Variants in ZBTB7C observed in about 807,000 individuals in gnomAD.
ZBTB7C encodes the protein zinc finger and BTB domain containing 7C, also known as zinc finger and BTB domain-containing protein 7C.
Under a neutral mutation model 25.7 loss-of-function variants are expected in ZBTB7C, and 8 were observed. That is an observed-to-expected ratio of 0.31 (90% CI 0.18 to 0.56). The LOEUF is 0.56. Among genes scored for constraint, ZBTB7C ranks in the 20% least tolerant of loss-of-function variants. The pLI, the probability that ZBTB7C is intolerant of heterozygous loss-of-function variation, is 0.91. For missense variants in ZBTB7C, 824 were observed against 855.2 expected (o/e 0.96, Z 0.46); for synonymous variants, 394 against 369.0 (o/e 1.07, Z -0.78).
intron 3 of ZBTB7C, among the ~76,000 whole-genome samples, chr18:48,124,107 A>G (rs1004919043): frequency 3.3e-5 from 5 of 152,134 alleles, no homozygotes; most frequent in Non-Finnish European, 7.3e-5. Context: ...TATCTCCCCA[A>G]CTCTCCAGGC....
intron 3 of ZBTB7C, among the ~76,000 whole-genome samples, chr18:48,066,050 T>C (rs2037316569): frequency 6.6e-6 from 1 of 152,238 alleles, no homozygotes; most frequent in South Asian, 2.1e-4. Flanking sequence ...CATTTGGAGG[T>C]CTTCTGTCTC....
At chr18:48,078,972 G>A (rs533832983) in intron 3 of ZBTB7C, among the ~76,000 whole-genome samples, 14 of 152,232 alleles carry the variant, frequency 9.2e-5, no homozygotes, top group South Asian at 4.2e-4. Flanking sequence ...ATAGACATTC[G>A]GTTTAGTTTT....
chr18:48,331,249 G>T (rs1357918820), intron 2 of ZBTB7C, among the ~76,000 whole-genome samples: 2 of 152,092 alleles, frequency 1.3e-5, no homozygotes, highest in African/African-American at 4.8e-5. Flanking sequence ...AATGTTTGTG[G>T]ACCAAAGTCT....
intron 3 of ZBTB7C, among the ~76,000 whole-genome samples, chr18:48,042,502 C>CATTT (rs2036292845): frequency 6.6e-6 from 1 of 152,178 alleles, no homozygotes; most frequent in African/African-American, 2.4e-5. Flanking sequence ...GATCCTTACA[C>CATTT]ATTTATCTTC....
At chr18:48,224,173 C>A (rs571897566) in intron 2 of ZBTB7C, among the ~76,000 whole-genome samples, 2 of 152,326 alleles carry the variant, frequency 1.3e-5, no homozygotes, top group South Asian at 4.1e-4. Flanking sequence ...CTGCTACTAG[C>A]AGCTGAACCC....
At chr18:48,230,810 C>G (rs908817178) in intron 2 of ZBTB7C, among the ~76,000 whole-genome samples, 4 of 152,186 alleles carry the variant, frequency 2.6e-5, no homozygotes, top group African/African-American at 9.6e-5. Flanking sequence ...ACCCAGGCAT[C>G]TCTGCACGGA....
chr18:48,346,301 T>G lies in ZBTB7C; in HGVS notation c.-303-7903A>C, dbSNP rs1330112887. Reference sequence around the variant, plus strand: ...CCTCTGCCACCAGCACAAGGCTCTTTGCCATGCTGAGCATTTGTCTCTGTC... The same window carrying G: ...CCTCTGCCACCAGCACAAGGCTCTTGGCCATGCTGAGCATTTGTCTCTGTC... On this transcript the variant is annotated intron_variant, in intron 1 of 4. Coordinates refer to ENST00000590800, the MANE Select transcript of ZBTB7C (RefSeq NM_001318841.2). Among the ~76,000 whole-genome samples, 3 of 152,264 alleles carry G rather than the reference T, an allele frequency of 2.0e-5. No homozygotes were observed. In the East Asian group the frequency reaches 5.8e-4, roughly 29 times the overall value.
Position 48,040,325 on chromosome 18 carries a change from T to G in ZBTB7C, c.783A>C (p.Pro261=), listed in dbSNP as rs2036168653. The change falls in exon 4 of 5, where the codon CCA becomes CCC. Residue 261 remains proline, a synonymous_variant. Transcript: ENST00000590800. ...GCTGGGCAAAGGCACCGAAGTCCCCTGGCCAGAGGTGTGGAAAGAAGTCCG... is the reference window on the plus strand; with the variant it reads ...GCTGGGCAAAGGCACCGAAGTCCCCGGGCCAGAGGTGTGGAAAGAAGTCCG... ...FAPDFFPHLW[P]GDFGAFAQLP... is the part of the protein sequence containing the mutation. 6.3e-7 allele frequency: 1 copy of G among 1,594,300 alleles called. No individual in the cohort carries two copies. Among genetic ancestry groups the G allele is most frequent in the Non-Finnish European group, 8.5e-7 (1 of 1,171,440 alleles).
chr18:48,047,897 G>A (rs956365645), intron 3 of ZBTB7C, among the ~76,000 whole-genome samples: 4 of 152,310 alleles, frequency 2.6e-5, no homozygotes, highest in Middle Eastern at 3.4e-3. Flanking sequence ...AATAAAACAG[G>A]TATGGAGAGG....
intron 3 of ZBTB7C, among the ~76,000 whole-genome samples, chr18:48,109,048 G>A (rs540122696): frequency 4.9e-4 from 74 of 152,250 alleles, no homozygotes; most frequent in African/African-American, 1.5e-3. Flanking sequence ...AGACTTCCTA[G>A]AGGAGGAGAG....
intron 3 of ZBTB7C, among the ~76,000 whole-genome samples, chr18:48,146,448 T>C (rs6417101): frequency 0.85 from 130,069 of 152,156 alleles, 55,782 homozygotes; most frequent in African/African-American, 0.9. Flanking sequence ...AGGCTATATA[T>C]GTTTGGGTAT....
intron 3 of ZBTB7C, among the ~76,000 whole-genome samples, chr18:48,126,708 G>A (rs1444165825): frequency 6.6e-6 from 1 of 152,168 alleles, no homozygotes; most frequent in Non-Finnish European, 1.5e-5. Flanking sequence ...AGAAAGGGGG[G>A]AGGACCAGAG....
chr18:48,217,306 C>T (rs1348876325), intron 2 of ZBTB7C, among the ~76,000 whole-genome samples: 1 of 152,180 alleles, frequency 6.6e-6, no homozygotes, highest in Non-Finnish European at 1.5e-5. Context: ...GCCCTCCTGT[C>T]CTTCCTGTCC....
At chr18:48,067,760 G>T (rs1360346221) in intron 3 of ZBTB7C, among the ~76,000 whole-genome samples, 1 of 152,184 alleles carries the variant, frequency 6.6e-6, no homozygotes, top group Non-Finnish European at 1.5e-5. Context: ...TCAGCAATTT[G>T]GGAGGCCGAG....
chr18:48,048,423 G>A (rs2036556183), intron 3 of ZBTB7C, among the ~76,000 whole-genome samples: 1 of 152,190 alleles, frequency 6.6e-6, no homozygotes, highest in African/African-American at 2.4e-5. Context: ...CTGACACTGT[G>A]CCTGGAGTTG....
chr18:48,288,217 A>G (rs2045115016), intron 2 of ZBTB7C, among the ~76,000 whole-genome samples: 2 of 152,220 alleles, frequency 1.3e-5, no homozygotes, highest in South Asian at 4.1e-4. Context: ...ATTACAGTGG[A>G]CTGAATGTTT....
intron 3 of ZBTB7C, among the ~76,000 whole-genome samples, chr18:48,130,366 C>A (rs1000973030): frequency 1.3e-5 from 2 of 152,048 alleles, no homozygotes; most frequent in Non-Finnish European, 2.9e-5. Flanking sequence ...GGGAAGTGGG[C>A]AGGGATGACC....
chr18:48,292,184 G>T (rs185265246), intron 2 of ZBTB7C, among the ~76,000 whole-genome samples: 77 of 150,426 alleles, frequency 5.1e-4, no homozygotes, highest in Middle Eastern at 6.8e-3. Context: ...GGTGACAGAG[G>T]GAGACTCCAT....
chr18:48,403,625 C>T (rs990516003), intron 1 of ZBTB7C, among the ~76,000 whole-genome samples: 4 of 152,134 alleles, frequency 2.6e-5, no homozygotes, highest in African/African-American at 9.7e-5. Context: ...AGACAAGGTG[C>T]CTGTTCTCAG....
Sources: allele counts gnomAD v4.1 joint callset (sites outside exome capture counted in the v4.1 genomes callset), GRCh38; gene constraint gnomAD v4.1.1; transcripts MANE v1.5; gene names NCBI Gene and HGNC (gene_info 2026-07-23, HGNC 2026-07-21).